The following SYNPR variants were observed in gnomAD, a reference collection of about 807,000 sequenced individuals.
SYNPR encodes synaptoporin.
In SYNPR, 23 loss-of-function variants were observed where a neutral mutation model predicts 32.9. The ratio of observed to expected loss-of-function variants is 0.70; its 90% CI spans 0.50 to 0.99. SYNPR has a LOEUF of 0.99. Ranked by LOEUF, SYNPR falls within the 50% of genes least tolerant of loss-of-function variation. The probability of loss-of-function intolerance (pLI) is 0.00; values close to 1 mark genes in which losing one functional copy is unlikely to be tolerated. For missense variants in SYNPR, 318 were observed against 349.3 expected (o/e 0.91, Z 0.71); for synonymous variants, 146 against 135.9 (o/e 1.07, Z -0.52).
intron 2 of SYNPR, among the ~76,000 whole-genome samples, chr3:63,376,721 T>G (rs1316891606): frequency 6.6e-6 from 1 of 152,146 alleles, no homozygotes; most frequent in Non-Finnish European, 1.5e-5. Context: ...AAGGTGCTAA[T>G]TTATTAGAGT....
intron 2 of SYNPR, among the ~76,000 whole-genome samples, chr3:63,253,688 G>C (rs536323863): frequency 1.6e-4 from 25 of 152,260 alleles, no homozygotes; most frequent in African/African-American, 6.0e-4. Flanking sequence ...AGAGGATGTG[G>C]AGAAATAAGA....
intron 3 of SYNPR, among the ~76,000 whole-genome samples, chr3:63,523,304 G>A (rs989061216): frequency 6.6e-6 from 1 of 152,116 alleles, no homozygotes; most frequent in African/African-American, 2.4e-5. Flanking sequence ...TGGTGTGGGA[G>A]GAGTTTACGT....
At chr3:63,248,433 A>G (rs1575575317) in intron 1 of SYNPR, among the ~76,000 whole-genome samples, 1 of 152,116 alleles carries the variant, frequency 6.6e-6, no homozygotes, top group South Asian at 2.1e-4. Flanking sequence ...TAGCTGGAAG[A>G]CAGTATGCTA....
At chr3:63,223,954 T>C (rs2086111280), upstream of SYNPR, among the ~76,000 whole-genome samples, 1 of 152,216 alleles carries the variant, frequency 6.6e-6, no homozygotes, top group South Asian at 2.1e-4. Context: ...TGTATCTTCT[T>C]GTTGCATAAA....
chr3:63,514,113 C>T (rs1208976909), intron 3 of SYNPR, among the ~76,000 whole-genome samples: 1 of 152,048 alleles, frequency 6.6e-6, no homozygotes, highest in East Asian at 1.9e-4. Context: ...ATCAGTAAAG[C>T]ACTAAAAAAA....
At chr3:63,459,993 G>A (rs541218210) in intron 2 of SYNPR, among the ~76,000 whole-genome samples, 6 of 151,840 alleles carry the variant, frequency 4.0e-5, no homozygotes, top group South Asian at 4.2e-4. Flanking sequence ...CTCTCACTTC[G>A]CTGTCTGTCT....
chr3:63,595,717 TTATATATATATATATATA>T (rs1169780634), intron 4 of SYNPR, among the ~76,000 whole-genome samples: 887 of 17,798 alleles, frequency 0.05, 76 homozygotes, highest in African/African-American at 0.084. Context: ...GAATCTTATT[TTATATATATATATATATA>T]TATATATATA....
intron 2 of SYNPR, among the ~76,000 whole-genome samples, chr3:63,392,039 T>C (rs2088144622): frequency 1.3e-5 from 2 of 152,246 alleles, no homozygotes; most frequent in Admixed American, 6.5e-5. Flanking sequence ...TGTATATAAG[T>C]AATCTTCAAC....
chr3:63,599,644 TAAGTGACAGATG>T lies in SYNPR; in HGVS notation c.409-9479_409-9468del, dbSNP rs539036476. 7.2e-5 allele frequency among the ~76,000 whole-genome samples: 11 copies of T among 152,348 alleles called. No homozygotes were observed. The South Asian group carries it at 2.3e-3, about 32-fold the overall frequency. On this transcript the variant is annotated intron_variant, in intron 4 of 5. Transcript: ENST00000478300. ...TTTTTCAGAACGTATCCCTGTCGGT[TAAGTGACAGATG>T]ACGGTATTTCATTAATACTCCTCTA... is the stretch of plus-strand genomic sequence containing the variant.
chr3:63,284,386 A>G (rs2086660891), intron 2 of SYNPR, among the ~76,000 whole-genome samples: 1 of 152,170 alleles, frequency 6.6e-6, no homozygotes, highest in Non-Finnish European at 1.5e-5. Context: ...ACAATGCTGC[A>G]GCCCTAGATT....
At chr3:63,277,107 C>CT (rs932739835), upstream of SYNPR, among the ~76,000 whole-genome samples, 48 of 151,976 alleles carry the variant, frequency 3.2e-4, no homozygotes, top group African/African-American at 8.7e-4. Context: ...CCTCCTCTTC[C>CT]TTTTTTCCCC....
intron 4 of SYNPR, among the ~76,000 whole-genome samples, chr3:63,568,406 T>C (rs1414474809): frequency 6.6e-6 from 1 of 152,204 alleles, no homozygotes; most frequent in African/African-American, 2.4e-5. Context: ...GAGCATCTGC[T>C]GTGCACAAGA....
chr3:63,540,690 T>C (rs1258878216), intron 3 of SYNPR, among the ~76,000 whole-genome samples: 2 of 152,046 alleles, frequency 1.3e-5, no homozygotes, highest in East Asian at 1.9e-4. Context: ...TGTGTATAAC[T>C]CTATGTTCAC....
chr3:63,200,934 G>T, the SYNPR span, among the ~76,000 whole-genome samples: 8 of 152,114 alleles, frequency 5.3e-5, no homozygotes, highest in African/African-American at 1.9e-4. Context: ...AAGCAAAATG[G>T]GCAGAGAAGA....
At chr3:63,473,596 C>T (rs550833241) in intron 2 of SYNPR, among the ~76,000 whole-genome samples, 6 of 152,138 alleles carry the variant, frequency 3.9e-5, no homozygotes, top group African/African-American at 9.6e-5. Context: ...AAAGTCTGCT[C>T]GTGTTAAAAA....
chr3:63,389,295 C>T (rs2088098892), intron 2 of SYNPR, among the ~76,000 whole-genome samples: 1 of 152,036 alleles, frequency 6.6e-6, no homozygotes, highest in South Asian at 2.1e-4. Context: ...AAACCAACAC[C>T]TTAAGTGCAA....
upstream of SYNPR, among the ~76,000 whole-genome samples, chr3:63,227,765 A>G (rs771764062): frequency 4.5e-4 from 69 of 152,316 alleles, no homozygotes; most frequent in Middle Eastern, 3.4e-3. Context: ...TCTTTTTTAA[A>G]TAGCATTTCC....
intron 3 of SYNPR, among the ~76,000 whole-genome samples, chr3:63,496,406 A>G (rs1167393846): frequency 6.6e-6 from 1 of 152,124 alleles, no homozygotes; most frequent in East Asian, 1.9e-4. Flanking sequence ...GTATGACTAT[A>G]TCATAGTTTA....
intron 1 of SYNPR, among the ~76,000 whole-genome samples, chr3:63,246,376 A>G (rs546525140): frequency 1.3e-5 from 2 of 152,200 alleles, no homozygotes; most frequent in East Asian, 3.9e-4. Flanking sequence ...TCATCCCTAC[A>G]TTCATTCTAG....
Sources: allele counts gnomAD v4.1 joint callset (sites outside exome capture counted in the v4.1 genomes callset), GRCh38; gene constraint gnomAD v4.1.1; transcripts MANE v1.5; gene names NCBI Gene and HGNC (gene_info 2026-07-23, HGNC 2026-07-21).